OSTF1: variants seen among roughly 807,000 people sequenced by gnomAD.
OSTF1 encodes osteoclast-stimulating factor 1.
A neutral mutation model predicts 37.2 loss-of-function variants in OSTF1; 27 were observed. The ratio of observed to expected loss-of-function variants is 0.73; its 90% CI spans 0.54 to 1.00. The LOEUF is 1.00. Ranked by LOEUF, OSTF1 falls within the 50% of genes least tolerant of loss-of-function variation. The pLI is 0.00. For synonymous variants in OSTF1, 82 were observed against 89.2 expected (o/e 0.92, Z 0.46); for missense variants, 232 against 253.8 (o/e 0.91, Z 0.58).
At chr9:75,130,423 G>A (rs773363652) in intron 3 of OSTF1, among the ~76,000 whole-genome samples, 155 bp from the exon 4 acceptor site, 3 of 152,256 alleles carry the variant, frequency 2.0e-5, no homozygotes, top group Non-Finnish European at 4.4e-5. Flanking sequence ...TAAGGGAGAC[G>A]GACACCCACA....
At chr9:75,103,885 T>C (rs1341828594) in intron 1 of OSTF1, among the ~76,000 whole-genome samples, 2 of 152,180 alleles carry the variant, frequency 1.3e-5, no homozygotes, top group African/African-American at 4.8e-5. Context: ...TCCTCCCGCC[T>C]CAGCCTCCCA....
At chr9:75,113,380 C>A (rs946043380) in intron 1 of OSTF1, among the ~76,000 whole-genome samples, 1 of 151,010 alleles carries the variant, frequency 6.6e-6, no homozygotes, top group Non-Finnish European at 1.5e-5. Context: ...TATAAACCTG[C>A]TTTTTTGTGT....
chr9:75,125,124 T>C (rs1295448974), intron 2 of OSTF1, among the ~76,000 whole-genome samples: 1 of 152,048 alleles, frequency 6.6e-6, no homozygotes, highest in Non-Finnish European at 1.5e-5. Flanking sequence ...TCCTTCATTC[T>C]CCCCTCCCAG....
chr9:75,105,132 A>C (rs979358869), intron 1 of OSTF1, among the ~76,000 whole-genome samples: 1 of 152,172 alleles, frequency 6.6e-6, no homozygotes, highest in Non-Finnish European at 1.5e-5. Flanking sequence ...GCATATATGT[A>C]ATCATTTGCC....
chr9:75,131,439 T>A (rs1405252044), intron 4 of OSTF1, among the ~76,000 whole-genome samples: 2 of 152,248 alleles, frequency 1.3e-5, no homozygotes, highest in Non-Finnish European at 2.9e-5. Flanking sequence ...TTTTGCATTT[T>A]TGTGACTTTG....
intron 7 of OSTF1, among the ~76,000 whole-genome samples, chr9:75,136,554 G>A (rs946511385): frequency 6.6e-6 from 1 of 152,092 alleles, no homozygotes; most frequent in Non-Finnish European, 1.5e-5. Context: ...CACTGGCCTG[G>A]CTTATTTTTG....
chr9:75,125,385 T>C (rs1221148724), intron 2 of OSTF1, among the ~76,000 whole-genome samples: 5 of 152,226 alleles, frequency 3.3e-5, no homozygotes, highest in Non-Finnish European at 5.9e-5. Context: ...ATAGTGGTCA[T>C]TGATCGATCA....
chr9:75,101,162 C>T (rs1251435746), intron 1 of OSTF1, among the ~76,000 whole-genome samples: 1 of 152,150 alleles, frequency 6.6e-6, no homozygotes, highest in Non-Finnish European at 1.5e-5. Context: ...CTCTCAGGAC[C>T]GGGCCAAGCT....
intron 6 of OSTF1, among the ~76,000 whole-genome samples, 194 bp from the exon 7 acceptor site, chr9:75,134,152 G>A (rs565312852): frequency 4.6e-5 from 7 of 152,162 alleles, no homozygotes; most frequent in Admixed American, 4.6e-4. Context: ...AAAACTATTA[G>A]AAAAAGTATA....
intron 9 of OSTF1, 101 bp downstream of exon 9, chr9:75,141,033 T>C: frequency 1.3e-6 from 1 of 793,310 alleles, no homozygotes. Context: ...GTGCAGTGGC[T>C]TATACCTGTA....
At chr9:75,139,540 TGC>T (rs1320868193) in intron 8 of OSTF1, among the ~76,000 whole-genome samples, 4 of 152,146 alleles carry the variant, frequency 2.6e-5, no homozygotes, top group Non-Finnish European at 5.9e-5. Context: ...GTGATTCTCA[TGC>T]CTCAGTCTCC....
At chr9:75,130,163 A>C (rs1252990889) in intron 3 of OSTF1, among the ~76,000 whole-genome samples, 1 of 152,162 alleles carries the variant, frequency 6.6e-6, no homozygotes, top group Non-Finnish European at 1.5e-5. Flanking sequence ...AAATTTTTCT[A>C]TAATAACAAG....
At chr9:75,134,865 C>CT (rs57997367) in intron 7 of OSTF1, among the ~76,000 whole-genome samples, 5,476 of 152,134 alleles carry the variant, frequency 0.036, 127 homozygotes, top group African/African-American at 0.062. Flanking sequence ...CTTATATAAC[C>CT]TTTTTTTGTT....
At chr9:75,100,441 T>C (rs750877489) in intron 1 of OSTF1, among the ~76,000 whole-genome samples, 26 of 151,800 alleles carry the variant, frequency 1.7e-4, no homozygotes, top group Non-Finnish European at 3.7e-4. Flanking sequence ...TTTAAAAAAG[T>C]CTCTGAGGCC....
At chr9:75,124,730 C>T (rs562684258) in intron 2 of OSTF1, among the ~76,000 whole-genome samples, 1 of 152,162 alleles carries the variant, frequency 6.6e-6, no homozygotes, top group African/African-American at 2.4e-5. Flanking sequence ...GACTCATTAC[C>T]ATGCTTGTGT....
chr9:75,095,390 A>G (rs1216550039), intron 1 of OSTF1, among the ~76,000 whole-genome samples: 1 of 152,182 alleles, frequency 6.6e-6, no homozygotes, highest in Non-Finnish European at 1.5e-5. Flanking sequence ...GTGATAGGAG[A>G]TGTTATCAAA....
intron 1 of OSTF1, among the ~76,000 whole-genome samples, chr9:75,108,469 G>T (rs1825329701): frequency 6.6e-6 from 1 of 151,528 alleles, no homozygotes; most frequent in Non-Finnish European, 1.5e-5. Context: ...TCAGTTGAAT[G>T]TATAAATGAT....
intron 1 of OSTF1, among the ~76,000 whole-genome samples, chr9:75,110,577 T>G (rs936173756): frequency 2.6e-5 from 4 of 152,224 alleles, no homozygotes; most frequent in African/African-American, 9.6e-5. Flanking sequence ...TGTCTCACAC[T>G]TCTTAACATT....
chr9:75,088,798 G>C, intron 1 of OSTF1, 72 bp downstream of exon 1: 1 of 1,455,424 alleles, frequency 6.9e-7, no homozygotes, highest in Non-Finnish European at 9.4e-7. Context: ...CTGCAGCTTG[G>C]CAGGGAGGAC....
Sources: allele counts gnomAD v4.1 joint callset (sites outside exome capture counted in the v4.1 genomes callset), GRCh38; gene constraint gnomAD v4.1.1; transcripts MANE v1.5; gene names NCBI Gene and HGNC (gene_info 2026-07-23, HGNC 2026-07-21).